Variants in DPY19L2 observed in about 807,000 individuals in gnomAD.
DPY19L2 encodes the protein probable C-mannosyltransferase DPY19L2.
Under a neutral mutation model 97.9 loss-of-function variants are expected in DPY19L2, and 34 were observed. That is an observed-to-expected ratio of 0.35 (90% CI 0.26 to 0.46). The LOEUF (loss-of-function observed/expected upper bound fraction) is 0.46, where lower values mean the gene tolerates loss of function less well. Among genes scored for constraint, DPY19L2 ranks in the 20% least tolerant of loss-of-function variants. The probability of loss-of-function intolerance (pLI) is 1.00; values close to 1 mark genes in which losing one functional copy is unlikely to be tolerated. For synonymous variants in DPY19L2, 230 were observed against 307.9 expected, an observed-to-expected ratio of 0.75 and a Z score of 2.65; for missense variants, 623 against 911.4, an observed-to-expected ratio of 0.68 and a Z score of 4.07.
rs1017944830 is a variant in DPY19L2, at chr12:63,576,166, C to T, written c.1900+4496G>A. 3.6e-4 allele frequency among the ~76,000 whole-genome samples: 55 copies of T among 151,868 alleles called. 1 individual carries two copies. Among genetic ancestry groups the T allele is most frequent in the Non-Finnish European group, 7.2e-4 (49 of 67,854 alleles). On this transcript the variant is annotated intron_variant, in intron 19 of 21. Coordinates refer to ENST00000324472, the MANE Select transcript of DPY19L2 (RefSeq NM_173812.5). Reference sequence around the variant, plus strand: ...AGCAAATCAATGTGATACGTCATATCAACACAATGAAGGGGAAAAATCATA... The same window carrying T: ...AGCAAATCAATGTGATACGTCATATTAACACAATGAAGGGGAAAAATCATA...
chr12:63,647,136 G>A, intron 5 of DPY19L2, 109 bp downstream of exon 5: 2 of 1,015,294 alleles, frequency 2.0e-6, no homozygotes. Context: ...CAGTTCTAAT[G>A]TTTTTTAAAT....
At position 63,644,483 on chromosome 12, in the gene DPY19L2, A is replaced by T; in HGVS notation, c.723T>A (p.Pro241=). 6.2e-7 allele frequency: 1 copy of T among 1,609,472 alleles called. No individual in the cohort carries two copies. The highest frequency in any genetic ancestry group is 1.1e-5 in the South Asian group (1 of 90,012). Residue 241 remains proline (P), a synonymous_variant, in exon 6 of 22, where the codon CCT becomes CCA. Coordinates refer to ENST00000324472, the MANE Select transcript of DPY19L2 (RefSeq NM_173812.5). ...EVQSCEGLGD[P]ACFYVGVIFI... is the part of the protein sequence containing the mutation. The stretch of plus-strand genomic sequence containing the variant: ...AGATTACACCAACATAAAAGCAAGC[A>T]GGATCTCCCAATCCTTTGAAAAGAT...
intron 21 of DPY19L2, among the ~76,000 whole-genome samples, chr12:63,568,111 T>C (rs889443135): frequency 1.3e-5 from 2 of 152,008 alleles, no homozygotes; most frequent in Non-Finnish European, 2.9e-5. Flanking sequence ...ATACTAAAAT[T>C]ATGCATGTGT....
intron 16 of DPY19L2, among the ~76,000 whole-genome samples, chr12:63,584,373 T>C: frequency 6.6e-6 from 1 of 152,218 alleles, no homozygotes; most frequent in Non-Finnish European, 1.5e-5. Context: ...GTACACCTAC[T>C]GTATTCTAGG....
In DPY19L2 at chr12:63,559,170, T is replaced by G. The variant is rs956956467; in HGVS notation, c.*1342A>C. ...ATTATTTGAAAATGCTAAAATAAAA[T>G]GTGGCATGTTTTCTTAGCTGTTTTG... On this transcript the variant is annotated 3_prime_UTR_variant, in exon 22 of 22. Coordinates refer to ENST00000324472, the MANE Select transcript of DPY19L2 (RefSeq NM_173812.5). 1 of 152,192 alleles carries G rather than the reference T, an allele frequency of 6.6e-6. No individual in the cohort carries two copies. The highest frequency in any genetic ancestry group is 1.5e-5 in the Non-Finnish European group (1 of 68,026). The allele number at this position is 152,192 out of a possible 1,614,324, so 9.4% of individuals were successfully genotyped here.
At chr12:63,583,395 G>A (rs1364474511) in intron 17 of DPY19L2, among the ~76,000 whole-genome samples, 1 of 152,152 alleles carries the variant, frequency 6.6e-6, no homozygotes, top group African/African-American at 2.4e-5. Flanking sequence ...CTGAAGGGCA[G>A]GAACATGACT....
intron 5 of DPY19L2, among the ~76,000 whole-genome samples, chr12:63,646,733 C>G (rs1893462781): frequency 6.6e-6 from 1 of 152,022 alleles, no homozygotes; most frequent in Non-Finnish European, 1.5e-5. Flanking sequence ...AAAAGTGGTT[C>G]TTTGACAAAG....
rs571902372 is a variant in DPY19L2, at chr12:63,630,175, C to A, written c.804-3649G>T. Among the ~76,000 whole-genome samples, 36 of 152,206 alleles carry A rather than the reference C, an allele frequency of 2.4e-4. No homozygotes were observed. In the East Asian group the frequency reaches 4.4e-3, roughly 19 times the overall value. ...TGCATCAACTAACGAGCAAAATAAC[C>A]AGCTAACATCATAATGACAGGATCA... On this transcript the variant is annotated intron_variant, in intron 6 of 21. Transcript: ENST00000324472.
At chr12:63,569,445 C>A (rs1265660597) in intron 20 of DPY19L2, 96 bp from the exon 21 acceptor site, 26 of 952,108 alleles carry the variant, frequency 2.7e-5, no homozygotes, top group Non-Finnish European at 3.9e-5. Flanking sequence ...TCAATACTCA[C>A]TGGATGGAAC....
At chr12:63,606,381 G>T (rs1886045545) in intron 12 of DPY19L2, among the ~76,000 whole-genome samples, 1 of 152,050 alleles carries the variant, frequency 6.6e-6, no homozygotes, top group African/African-American at 2.4e-5. Flanking sequence ...GACTGCTGAA[G>T]AATTTTACTG....
intron 12 of DPY19L2, among the ~76,000 whole-genome samples, chr12:63,601,168 A>T (rs1292358447): frequency 1.3e-5 from 2 of 152,098 alleles, no homozygotes; most frequent in African/African-American, 4.8e-5. Flanking sequence ...TCCAAATATT[A>T]TTTCTCAGCT....
intron 21 of DPY19L2, among the ~76,000 whole-genome samples, chr12:63,564,140 G>A (rs1877181695): frequency 6.6e-6 from 1 of 151,924 alleles, no homozygotes; most frequent in African/African-American, 2.4e-5. Flanking sequence ...CAATCTTTTA[G>A]TTCGGGTAGG....
rs530714710 is a variant in DPY19L2 at position 63,619,273 on chromosome 12, G to A, written c.1054-1045C>T. 7.4e-4 allele frequency among the ~76,000 whole-genome samples: 112 copies of A among 152,102 alleles called. No individual in the cohort carries two copies. In the Middle Eastern group the frequency reaches 0.014, roughly 18 times the overall value. On this transcript the variant is annotated intron_variant, in intron 9 of 21. Coordinates refer to ENST00000324472, the MANE Select transcript of DPY19L2 (RefSeq NM_173812.5). ...CTGGGCAAGATGGTGACACCTCATC[G>A]CTACAAAAAATTAAAAATTAGCCAG...
intron 6 of DPY19L2, among the ~76,000 whole-genome samples, chr12:63,629,442 G>T (rs1310104931): frequency 6.6e-6 from 1 of 152,122 alleles, no homozygotes; most frequent in Non-Finnish European, 1.5e-5. Flanking sequence ...TAGCCAATTC[G>T]ATCAACTGGA....
intron 6 of DPY19L2, among the ~76,000 whole-genome samples, chr12:63,629,878 C>A (rs1029486784): frequency 6.6e-6 from 1 of 152,158 alleles, no homozygotes; most frequent in Non-Finnish European, 1.5e-5. Flanking sequence ...TTGGCAGAAA[C>A]TCTACAAGCC....
intron 16 of DPY19L2, among the ~76,000 whole-genome samples, chr12:63,590,092 C>T (rs767208868): frequency 5.3e-5 from 8 of 151,766 alleles, no homozygotes; most frequent in Non-Finnish European, 1.5e-5. Flanking sequence ...TGTGCCACTG[C>T]ATACACAGCA....
chr12:63,632,938 A>G (rs1890973288), intron 6 of DPY19L2, among the ~76,000 whole-genome samples: 1 of 152,170 alleles, frequency 6.6e-6, no homozygotes, highest in African/African-American at 2.4e-5. Context: ...GATCTTTGAC[A>G]AACTTGACAA....
intron 16 of DPY19L2, among the ~76,000 whole-genome samples, chr12:63,589,394 T>TAAAAAAAAAAAAAAAAAAAAAAA (rs1882478786): frequency 1.4e-4 from 6 of 43,718 alleles, no homozygotes; most frequent in Middle Eastern, 0.011. Flanking sequence ...AAAAAAAAAG[T>TAAAAAAAAAAAAAAAAAAAAAAA]AAAGCAGCTT....
At chr12:63,568,615 C>A (rs1878215674) in intron 21 of DPY19L2, among the ~76,000 whole-genome samples, 1 of 151,914 alleles carries the variant, frequency 6.6e-6, no homozygotes, top group Non-Finnish European at 1.5e-5. Context: ...ACTGTAGAAC[C>A]TGTTTTGTTC....
Sources: gnomAD v4.1 joint callset for allele counts (sites outside exome capture counted in the v4.1 genomes callset) on GRCh38, gnomAD v4.1.1 for gene constraint, MANE v1.5 for transcripts, NCBI Gene and HGNC (gene_info 2026-07-23, HGNC 2026-07-21) for gene names.